STUM: variants seen among roughly 807,000 people sequenced by gnomAD.
STUM encodes the protein protein stum homolog.
Under a neutral mutation model 15.3 loss-of-function variants are expected in STUM, and 8 were observed. That is an observed-to-expected ratio of 0.52 (90% CI 0.31 to 0.94). The LOEUF is 0.94. STUM is among the 40% of genes least tolerant of loss of function. The pLI, the probability that STUM is intolerant of heterozygous loss-of-function variation, is 0.05. For missense variants in STUM, 142 were observed against 204.9 expected, an observed-to-expected ratio of 0.69 and a Z score of 1.87; for synonymous variants, 78 against 88.7, an observed-to-expected ratio of 0.88 and a Z score of 0.68.
At chr1:226,560,060 A>G (rs1667515922) in intron 1 of STUM, among the ~76,000 whole-genome samples, 1 of 152,046 alleles carries the variant, frequency 6.6e-6, no homozygotes, top group Admixed American at 6.5e-5. Flanking sequence ...AATCGCTTGA[A>G]CCTGGGAGGT....
In STUM at chr1:226,552,741, T is replaced by TTC. The variant is rs1667391185; in HGVS notation, c.202+3645_202+3646dup. Among the ~76,000 whole-genome samples, 1 of 152,134 alleles carries TTC rather than the reference T, an allele frequency of 6.6e-6. No homozygotes were observed. Among genetic ancestry groups the TTC allele is most frequent in the African/African-American group, 2.4e-5 (1 of 41,430 alleles). On this transcript the variant is annotated intron_variant, in intron 1 of 3. Coordinates refer to ENST00000366788, the MANE Select transcript of STUM (RefSeq NM_001003665.4). The surrounding 1 kb of genome is among the most constrained non-coding windows in gnomAD (Gnocchi z 4.7). ...AAGCACCACAGGCTGGCTCTGCTTC[T>TTC]TCTCTCTCTCTTTCCTCTAGACCCA...
At chr1:226,584,270 C>T (rs747242026) in intron 1 of STUM, among the ~76,000 whole-genome samples, 1 of 152,214 alleles carries the variant, frequency 6.6e-6, no homozygotes, top group Non-Finnish European at 1.5e-5. Flanking sequence ...TGGAGTTTCT[C>T]ACCTGAGCTA....
rs984189167 is a variant in STUM at position 226,548,866 on chromosome 1, C to A, written c.-39C>A. 1 of 1,309,288 alleles carries A rather than the reference C, an allele frequency of 7.6e-7. No individual in the cohort carries two copies. The highest frequency in any genetic ancestry group is 9.6e-7 in the Non-Finnish European group (1 of 1,036,834). The allele number at this position is 1,309,288 out of a possible 1,614,324, so 81.1% of individuals were successfully genotyped here. A position where few individuals can be genotyped will look rare whatever the true frequency, so the allele number is the denominator to read the frequency against. On this transcript the variant is annotated 5_prime_UTR_variant, in exon 1 of 4. Transcript: ENST00000366788. ...TGCTCCCGTACGCTGGGCGCCAGCTCCGGCCGTGCTGCCCGGCTGCCTGAG... is the reference window on the plus strand; with the variant it reads ...TGCTCCCGTACGCTGGGCGCCAGCTACGGCCGTGCTGCCCGGCTGCCTGAG...
chr1:226,588,667 A>T (rs918146018), intron 1 of STUM, among the ~76,000 whole-genome samples: 1 of 152,198 alleles, frequency 6.6e-6, no homozygotes. Flanking sequence ...AAATAATTGC[A>T]CAATGAGGCA....
intron 1 of STUM, among the ~76,000 whole-genome samples, chr1:226,576,504 T>C (rs577054261): frequency 8.7e-4 from 132 of 152,366 alleles, no homozygotes; most frequent in African/African-American, 3.1e-3. Flanking sequence ...ACCCATCTCT[T>C]GCCAAGGTTG....
Position 226,596,896 on chromosome 1 carries a change from A to G in STUM, c.297A>G (p.Ala99=). Residue 99 remains alanine (A), a synonymous_variant, in exon 2 of 4, where the codon GCA becomes GCG. Coordinates refer to ENST00000366788, the MANE Select transcript of STUM (RefSeq NM_001003665.4). ...VCCVFWLNIA[A]ALIQILTAIV... is the part of the protein sequence containing the mutation. ...GCGTCTTCTGGCTGAACATTGCAGCAGCCCTCATCCAAATCCTCACTGCCA... is the reference window on the plus strand; with the variant it reads ...GCGTCTTCTGGCTGAACATTGCAGCGGCCCTCATCCAAATCCTCACTGCCA... The G allele has an allele frequency of 6.2e-7, 1 of 1,614,260 alleles. No homozygotes were observed. Among genetic ancestry groups the G allele is most frequent in the Non-Finnish European group, 8.5e-7 (1 of 1,180,036 alleles).
intron 1 of STUM, among the ~76,000 whole-genome samples, chr1:226,595,760 G>A (rs888188234): frequency 9.2e-5 from 14 of 152,226 alleles, no homozygotes; most frequent in African/African-American, 3.1e-4. Flanking sequence ...TGGCGGTGAT[G>A]ATGGAGGAAG....
chr1:226,590,042 C>T (rs1668060725), intron 1 of STUM, among the ~76,000 whole-genome samples: 1 of 151,994 alleles, frequency 6.6e-6, no homozygotes, highest in Non-Finnish European at 1.5e-5. Context: ...CAGTTTGAGA[C>T]GTTTGATGCA....
chr1:226,567,913 G>A lies in STUM; in HGVS notation c.202+18807G>A, dbSNP rs771593567. ...ATTATTTATGTATTGTCAGAAATGC[G>A]AACAGGGCACCCCGAGGAGGAGGTA... On this transcript the variant is annotated intron_variant, in intron 1 of 3. Coordinates refer to ENST00000366788, the MANE Select transcript of STUM (RefSeq NM_001003665.4). This position sits in a 1 kb window ranked among gnomAD's most constrained non-coding sequence, Gnocchi z 4.5. Among the ~76,000 whole-genome samples, 11 of 152,142 alleles carry A rather than the reference G, an allele frequency of 7.2e-5. No individual in the cohort carries two copies. The highest frequency in any genetic ancestry group is 2.2e-4 in the African/African-American group (9 of 41,420).
rs577390551 is a variant in STUM at position 226,602,379 on chromosome 1, C to T, written c.*339C>T. 115 of 323,354 alleles carry T rather than the reference C, an allele frequency of 3.6e-4. No individual in the cohort carries two copies. The highest frequency in any genetic ancestry group is 2.2e-3 in the African/African-American group (105 of 47,814). 20.0% of individuals were successfully genotyped at this position (323,354 alleles called of 1,614,324 possible). On this transcript the variant is annotated 3_prime_UTR_variant, in exon 4 of 4. Coordinates refer to ENST00000366788, the MANE Select transcript of STUM (RefSeq NM_001003665.4). ...CACTGCCCACCGCAAAGGCACGCCA[C>T]GTCTGCTGGGCCGGGCCACACCGGG...
Position 226,561,595 on chromosome 1 carries a change from C to T in STUM, c.202+12489C>T, listed in dbSNP as rs1040702519. On this transcript the variant is annotated intron_variant, in intron 1 of 3. Transcript: ENST00000366788. The stretch of plus-strand genomic sequence containing the variant: ...GCAGTTATGATGTTACTGAGAAGAG[C>T]GGGGCCACCAACTCTAATTACCCTG... Among the ~76,000 whole-genome samples, 10 of 152,222 alleles carry T rather than the reference C, an allele frequency of 6.6e-5. No homozygotes were observed. In the South Asian group the frequency reaches 1.0e-3, roughly 16 times the overall value.
intron 1 of STUM, among the ~76,000 whole-genome samples, chr1:226,570,952 C>T (rs1667699865): frequency 6.6e-6 from 1 of 152,082 alleles, no homozygotes; most frequent in Non-Finnish European, 1.5e-5. Context: ...ATTTGTAGGC[C>T]AGGCACTGTG....
rs1167654992 is a variant in STUM, at chr1:226,604,421, G to C, written c.*2381G>C. 6.6e-6 allele frequency: 1 copy of C among 152,250 alleles called. No individual in the cohort carries two copies. The highest frequency in any genetic ancestry group is 2.1e-4 in the South Asian group (1 of 4,832). 9.4% of individuals were successfully genotyped at this position (152,250 alleles called of 1,614,324 possible). On this transcript the variant is annotated 3_prime_UTR_variant, in exon 4 of 4. Coordinates refer to ENST00000366788, the MANE Select transcript of STUM (RefSeq NM_001003665.4). The surrounding 1 kb of genome is among the most constrained non-coding windows in gnomAD (Gnocchi z 4.7). ...ACCTGGGAAAACATCAGCCTCAGGAGGAGGCCCCTTTCCGGGTAACTGATG... is the reference window on the plus strand; with the variant it reads ...ACCTGGGAAAACATCAGCCTCAGGACGAGGCCCCTTTCCGGGTAACTGATG...
rs1168187728 is a variant in STUM at position 226,602,111 on chromosome 1, G to A, written c.*71G>A. 3 of 1,192,298 alleles carry A rather than the reference G, an allele frequency of 2.5e-6. No homozygotes were observed. Among genetic ancestry groups the A allele is most frequent in the Middle Eastern group, 1.9e-4 (1 of 5,152 alleles). The allele number at this position is 1,192,298 out of a possible 1,614,324, so 73.9% of individuals were successfully genotyped here. On this transcript the variant is annotated 3_prime_UTR_variant, in exon 4 of 4. Coordinates refer to ENST00000366788, the MANE Select transcript of STUM (RefSeq NM_001003665.4). ...TGCACCAGGCAGCTTTGGGCACAAG[G>A]ACCTTTACATGTTCTTTTCTGCCAT...
intron 1 of STUM, among the ~76,000 whole-genome samples, chr1:226,586,434 C>T (rs955537508): frequency 6.6e-6 from 1 of 152,160 alleles, no homozygotes; most frequent in Non-Finnish European, 1.5e-5. Context: ...GCACGACATC[C>T]ATGTTATTTG....
Position 226,596,875 on chromosome 1 carries a change from C to A in STUM, c.276C>A (p.Val92=), listed in dbSNP as rs981189892. Residue 92 remains valine, a synonymous_variant, in exon 2 of 4, where the codon GTC becomes GTA. Transcript: ENST00000366788. ...TCCCGGACAGGCATGTGTGCTGCGT[C>A]TTCTGGCTGAACATTGCAGCAGCCC... The part of the protein sequence containing the change: ...TDLPDRHVCC[V]FWLNIAAALI... The A allele has an allele frequency of 6.2e-7, 1 of 1,614,272 alleles. No homozygotes were observed. The highest frequency in any genetic ancestry group is 8.5e-7 in the Non-Finnish European group (1 of 1,180,026).
rs1312871785 is a variant in STUM at position 226,596,793 on chromosome 1, C to T, written c.203-9C>T. 6.2e-7 allele frequency: 1 copy of T among 1,605,840 alleles called. No homozygotes were observed. The highest frequency in any genetic ancestry group is 8.5e-7 in the Non-Finnish European group (1 of 1,173,460). ...CCCTCAGAAGGCTGTCCCCTCTGGC[C>T]TCTCACAGGGACATTCGTCTCGGCC... On this transcript the variant is annotated splice_polypyrimidine_tract_variant and intron_variant, in intron 1 of 3. Transcript: ENST00000366788.
At chr1:226,557,048 A>G (rs1667457850) in intron 1 of STUM, among the ~76,000 whole-genome samples, 1 of 152,186 alleles carries the variant, frequency 6.6e-6, no homozygotes, top group Non-Finnish European at 1.5e-5. Context: ...AACTATATTT[A>G]CCACACTGTG....
Position 226,605,635 on chromosome 1 carries a change from A to C in STUM, c.*3595A>C, listed in dbSNP as rs906641483. ...GCCCCCACCCCAAGCTGGGAAAATAAGCTTCTCCCTCCCATATGTGGGGGC... is the reference window on the plus strand; with the variant it reads ...GCCCCCACCCCAAGCTGGGAAAATACGCTTCTCCCTCCCATATGTGGGGGC... On this transcript the variant is annotated 3_prime_UTR_variant, in exon 4 of 4. Coordinates refer to ENST00000366788, the MANE Select transcript of STUM (RefSeq NM_001003665.4). The surrounding 1 kb of genome is among the most constrained non-coding windows in gnomAD (Gnocchi z 4.0). 2 of 152,136 alleles carry C rather than the reference A, an allele frequency of 1.3e-5. No individual in the cohort carries two copies. The highest frequency in any genetic ancestry group is 4.8e-5 in the African/African-American group (2 of 41,400). 9.4% of individuals were successfully genotyped at this position (152,136 alleles called of 1,614,324 possible). A position where few individuals can be genotyped will look rare whatever the true frequency, so the allele number is the denominator to read the frequency against.
Sources: allele counts gnomAD v4.1 joint callset (sites outside exome capture counted in the v4.1 genomes callset), GRCh38; gene constraint gnomAD v4.1.1; non-coding constraint Gnocchi (gnomAD v3.1); transcripts MANE v1.5; gene names NCBI Gene and HGNC (gene_info 2026-07-23, HGNC 2026-07-21).